The following PAPPA variants were observed in gnomAD, a reference collection of about 807,000 sequenced individuals.
The protein encoded by PAPPA is pappalysin-1.
In PAPPA, 60 loss-of-function variants were observed where a neutral mutation model predicts 164.0. That is an observed-to-expected ratio of 0.37 (90% CI 0.30 to 0.45). The LOEUF is 0.45. Among genes scored for constraint, PAPPA ranks in the 20% least tolerant of loss-of-function variants. PAPPA has a pLI of 1.00. For missense variants in PAPPA, 1,782 were observed against 2,087.3 expected (o/e 0.85, Z 2.85); for synonymous variants, 875 against 814.1 (o/e 1.07, Z -1.27).
At chr9:116,341,499 T>C (rs1295226086) in intron 13 of PAPPA, among the ~76,000 whole-genome samples, 2 of 152,226 alleles carry the variant, frequency 1.3e-5, no homozygotes, top group Non-Finnish European at 2.9e-5. Context: ...GTAGTTTAGA[T>C]GTCCCTTCCT....
At chr9:116,172,792 T>TA (rs1843788766) in intron 1 of PAPPA, among the ~76,000 whole-genome samples, 2 of 152,176 alleles carry the variant, frequency 1.3e-5, no homozygotes, top group South Asian at 2.1e-4. Context: ...CTTTTTTGTT[T>TA]AAAAAATGGT....
At chr9:116,334,814 C>A in intron 12 of PAPPA, 47 bp from the exon 13 acceptor site, 1 of 1,473,330 alleles carries the variant, frequency 6.8e-7, no homozygotes, top group Non-Finnish European at 9.5e-7. Flanking sequence ...CGTGACTGGC[C>A]TTGAGTAATG....
At chr9:116,249,348 A>G (rs533167419) in intron 7 of PAPPA, among the ~76,000 whole-genome samples, 17 of 152,156 alleles carry the variant, frequency 1.1e-4, no homozygotes, top group Non-Finnish European at 2.1e-4. Context: ...GTGGTGGCTG[A>G]GGGTAAAATT....
At chr9:116,353,867 C>A in intron 17 of PAPPA, 74 bp downstream of exon 17, 1 of 1,097,262 alleles carries the variant, frequency 9.1e-7, no homozygotes, top group Non-Finnish European at 1.3e-6. Context: ...GCCTGTACTT[C>A]AGGAACCACT....
At chr9:116,245,341 T>C (rs1322479132) in intron 7 of PAPPA, among the ~76,000 whole-genome samples, 1 of 152,152 alleles carries the variant, frequency 6.6e-6, no homozygotes, top group African/African-American at 2.4e-5. Context: ...TATGAAGAGT[T>C]TGTGGCTCAT....
intron 17 of PAPPA, among the ~76,000 whole-genome samples, chr9:116,357,621 C>A (rs188688229): frequency 6.5e-4 from 99 of 152,284 alleles, no homozygotes; most frequent in Middle Eastern, 3.4e-3. Flanking sequence ...CAGGCCAGAC[C>A]AGTAGTGAAG....
chr9:116,187,029 A>G lies in PAPPA; in HGVS notation c.416-125A>G. The stretch of plus-strand genomic sequence containing the variant: ...CACCATTAGCAACTCCTAGGATCCC[A>G]CAGAGCAGTTGGAAAGCGATGAGTC... On this transcript the variant is annotated intron_variant, in intron 1 of 21. Coordinates refer to ENST00000328252, the MANE Select transcript of PAPPA (RefSeq NM_002581.5). This position sits in a 1 kb window ranked among gnomAD's most constrained non-coding sequence, Gnocchi z 4.2. The G allele has an allele frequency of 1.4e-6, 1 of 706,472 alleles. No individual in the cohort carries two copies. The highest frequency in any genetic ancestry group is 2.8e-5 in the Admixed American group (1 of 36,224). 43.8% of individuals were successfully genotyped at this position (706,472 alleles called of 1,614,324 possible).
intron 2 of PAPPA, among the ~76,000 whole-genome samples, chr9:116,203,066 A>G (rs1246350931): frequency 6.6e-6 from 1 of 152,128 alleles, no homozygotes; most frequent in Non-Finnish European, 1.5e-5. Context: ...AGGTTCCCAC[A>G]CCCAGGTGTC....
At chr9:116,170,628 C>A (rs867277902) in intron 1 of PAPPA, among the ~76,000 whole-genome samples, 61 of 148,250 alleles carry the variant, frequency 4.1e-4, no homozygotes, top group African/African-American at 1.5e-3. Context: ...TATCTCCCCC[C>A]ACTCCCTCCC....
At chr9:116,241,681 T>C (rs768279177) in intron 7 of PAPPA, among the ~76,000 whole-genome samples, 23 of 152,192 alleles carry the variant, frequency 1.5e-4, no homozygotes, top group Non-Finnish European at 2.8e-4. Flanking sequence ...AAGTCAGCAG[T>C]AGCACAAAGT....
At chr9:116,228,278 C>G (rs1437270636) in intron 6 of PAPPA, among the ~76,000 whole-genome samples, 1 of 152,186 alleles carries the variant, frequency 6.6e-6, no homozygotes, top group African/African-American at 2.4e-5. Flanking sequence ...CCATACTTTC[C>G]TCTTAGTCTT....
intron 1 of PAPPA, among the ~76,000 whole-genome samples, chr9:116,181,449 C>G (rs1195336357): frequency 6.6e-6 from 1 of 152,072 alleles, no homozygotes; most frequent in Non-Finnish European, 1.5e-5. Flanking sequence ...ATTTTCTCCT[C>G]TTATAAGAAC....
At chr9:116,305,077 T>C (rs1845627383) in intron 10 of PAPPA, among the ~76,000 whole-genome samples, 1 of 132,346 alleles carries the variant, frequency 7.6e-6, no homozygotes, top group Non-Finnish European at 1.6e-5. Context: ...ACACACACCC[T>C]ACCACCACCA....
chr9:116,277,269 A>G (rs1845210690), intron 9 of PAPPA, among the ~76,000 whole-genome samples: 1 of 152,206 alleles, frequency 6.6e-6, no homozygotes, highest in African/African-American at 2.4e-5. Context: ...AACTTTCCCC[A>G]GAACACGTTT....
intron 1 of PAPPA, among the ~76,000 whole-genome samples, chr9:116,172,563 A>C (rs1234351166): frequency 6.6e-6 from 1 of 152,214 alleles, no homozygotes; most frequent in South Asian, 2.1e-4. Flanking sequence ...CCACTGACTT[A>C]CATGGATTCT....
At chr9:116,244,122 T>A (rs142638626) in intron 7 of PAPPA, among the ~76,000 whole-genome samples, 1,819 of 152,212 alleles carry the variant, frequency 0.012, 47 homozygotes, top group African/African-American at 0.043. Flanking sequence ...AATATTAGGA[T>A]AAGCAAAAGG....
chr9:116,301,608 C>G (rs1285020338), intron 9 of PAPPA, among the ~76,000 whole-genome samples: 7 of 152,230 alleles, frequency 4.6e-5, no homozygotes, highest in African/African-American at 1.7e-4. Context: ...CATCCTACTG[C>G]TAGCTTTGTG....
chr9:116,387,423 G>T (rs919962035), intron 21 of PAPPA, among the ~76,000 whole-genome samples: 2 of 152,124 alleles, frequency 1.3e-5, no homozygotes, highest in South Asian at 2.1e-4. Context: ...GCCTCACTCT[G>T]TCACCTACTC....
chr9:116,195,404 G>A (rs1453950756), intron 2 of PAPPA, among the ~76,000 whole-genome samples: 1 of 152,152 alleles, frequency 6.6e-6, no homozygotes, highest in Non-Finnish European at 1.5e-5. Flanking sequence ...GCTCGAAACA[G>A]TGACCTATGA....
Sources: allele counts gnomAD v4.1 joint callset (sites outside exome capture counted in the v4.1 genomes callset), GRCh38; gene constraint gnomAD v4.1.1; non-coding constraint Gnocchi (gnomAD v3.1); transcripts MANE v1.5; gene names NCBI Gene and HGNC (gene_info 2026-07-23, HGNC 2026-07-21).